The following MRTFB variants were observed in gnomAD, a reference collection of about 807,000 sequenced individuals.
The protein encoded by MRTFB is myocardin-related transcription factor B.
MRTFB carries 29 observed loss-of-function variants against 104.2 expected under a neutral mutation model. That is an observed-to-expected ratio of 0.28 (90% CI 0.21 to 0.38). The LOEUF (loss-of-function observed/expected upper bound fraction) is 0.38, where lower values mean the gene tolerates loss of function less well. MRTFB is among the 10% of genes least tolerant of loss of function. The probability of loss-of-function intolerance (pLI) is 1.00; values close to 1 mark genes in which losing one functional copy is unlikely to be tolerated. For missense variants in MRTFB, 1,270 were observed against 1,341.6 expected, an observed-to-expected ratio of 0.95 and a Z score of 0.83; for synonymous variants, 535 against 519.5, an observed-to-expected ratio of 1.03 and a Z score of -0.41.
chr16:14,248,927 C>T lies in MRTFB; in HGVS notation c.2249C>T (p.Thr750Ile). ...TGTTTTTTTCAATTCACCTCCTAGA[C>T]TTCACCACAAGCAGGAATGCAGACT... ...QLPVGSLKLQTSPQAGMQTQP... is the reference protein window; with the variant it reads ...QLPVGSLKLQISPQAGMQTQP... The change falls in exon 13 of 17, where the codon ACT (threonine) becomes ATT (isoleucine). Residue 750 changes from threonine (T) to isoleucine (I), a missense_variant and splice_region_variant. By Grantham distance (89) the Thr-to-Ile change is moderately conservative (BLOSUM62 -1). Coordinates refer to ENST00000571589, the MANE Select transcript of MRTFB (RefSeq NM_001308142.2). 6.2e-7 allele frequency: 1 copy of T among 1,613,354 alleles called. No individual in the cohort carries two copies. The highest frequency in any genetic ancestry group is 8.5e-7 in the Non-Finnish European group (1 of 1,179,824).
intron 3 of MRTFB, chr16:14,186,705 A>T: frequency 7.2e-7 from 1 of 1,384,128 alleles, no homozygotes; most frequent in African/African-American, 1.5e-5. Flanking sequence ...AAGGGCTTCC[A>T]GCGGCATGAG....
chr16:14,139,675 C>G (rs984046282), intron 2 of MRTFB, among the ~76,000 whole-genome samples: 4 of 152,140 alleles, frequency 2.6e-5, no homozygotes, highest in Non-Finnish European at 4.4e-5. Context: ...ATATAGATAC[C>G]TGTACGGGAG....
chr16:14,184,165 G>A (rs149641177), intron 3 of MRTFB, among the ~76,000 whole-genome samples: 9 of 150,068 alleles, frequency 6.0e-5, no homozygotes, highest in East Asian at 1.9e-4. Flanking sequence ...GCCAAGCTGC[G>A]TGCTTTGGAA....
chr16:14,099,486 C>T (rs771474847), intron 2 of MRTFB, among the ~76,000 whole-genome samples: 4 of 150,614 alleles, frequency 2.7e-5, no homozygotes, highest in Non-Finnish European at 5.9e-5. Context: ...AGTGGTCCTC[C>T]TAAGAAGCTG....
At chr16:14,078,667 C>G (rs539323708) in intron 1 of MRTFB, among the ~76,000 whole-genome samples, 1 of 151,546 alleles carries the variant, frequency 6.6e-6, no homozygotes, top group South Asian at 2.1e-4. Context: ...AGGGCTCAAG[C>G]GATTTGCCCA....
intron 2 of MRTFB, among the ~76,000 whole-genome samples, chr16:14,131,137 T>G (rs1489879752): frequency 6.6e-6 from 1 of 152,210 alleles, no homozygotes; most frequent in African/African-American, 2.4e-5. Context: ...TTAGTGATAG[T>G]GCTGGATTTT....
intron 2 of MRTFB, among the ~76,000 whole-genome samples, chr16:14,097,486 A>G (rs1043381749): frequency 6.6e-6 from 1 of 152,250 alleles, no homozygotes; most frequent in African/African-American, 2.4e-5. Flanking sequence ...TTGGTTTGCA[A>G]TAGTGAAAGA....
intron 3 of MRTFB, among the ~76,000 whole-genome samples, chr16:14,198,099 A>G (rs927171562): frequency 6.6e-6 from 1 of 152,208 alleles, no homozygotes; most frequent in African/African-American, 2.4e-5. Context: ...GTGAGCTTTT[A>G]TATCTGACTT....
At chr16:14,164,431 G>A (rs143486757) in intron 3 of MRTFB, among the ~76,000 whole-genome samples, 1 of 152,032 alleles carries the variant, frequency 6.6e-6, no homozygotes, top group East Asian at 1.9e-4. Context: ...ATAGTATTCT[G>A]TTGTGTGTTT....
the MRTFB span, among the ~76,000 whole-genome samples, chr16:14,044,655 G>C: frequency 6.6e-6 from 1 of 152,282 alleles, no homozygotes; most frequent in Non-Finnish European, 1.5e-5. Context: ...TTCCTCCCAA[G>C]TTTTGCCCAT....
intron 15 of MRTFB, 76 bp from the exon 16 acceptor site, chr16:14,258,024 TC>T: frequency 8.2e-7 from 1 of 1,217,344 alleles, no homozygotes; most frequent in Non-Finnish European, 1.2e-6. Flanking sequence ...ATCTAGAAAG[TC>T]CCTTAGGACT....
chr16:14,094,193 A>C (rs150619502), intron 2 of MRTFB, among the ~76,000 whole-genome samples: 4 of 152,128 alleles, frequency 2.6e-5, no homozygotes, highest in African/African-American at 9.7e-5. Flanking sequence ...AGATGACAAG[A>C]TTGCTTTCAG....
intron 3 of MRTFB, among the ~76,000 whole-genome samples, chr16:14,171,068 T>C (rs1047476857): frequency 1.3e-5 from 2 of 152,226 alleles, no homozygotes; most frequent in African/African-American, 4.8e-5. Context: ...CTAGCTTCTA[T>C]GTCCTTTTGA....
chr16:14,133,950 T>C lies in MRTFB; in HGVS notation c.-63-6594T>C, dbSNP rs556310093. On this transcript the variant is annotated intron_variant, in intron 2 of 16. Transcript: ENST00000571589. ...AGAACAAATAACATTTTCTAATTCC[T>C]TGTCTTTTTATGTAGTAATTTAAAA... Among the ~76,000 whole-genome samples the C allele has an allele frequency of 6.6e-4, 101 of 152,334 alleles. 1 individual carries two copies. The highest frequency in any genetic ancestry group is 5.0e-4 in the African/African-American group (21 of 41,588).
chr16:14,171,706 G>A (rs1381368913), intron 3 of MRTFB, among the ~76,000 whole-genome samples: 2 of 152,068 alleles, frequency 1.3e-5, no homozygotes, highest in Non-Finnish European at 2.9e-5. Context: ...TATTTTATGT[G>A]TTTAATTCTA....
chr16:13,999,104 C>G, the MRTFB span, among the ~76,000 whole-genome samples: 1 of 150,254 alleles, frequency 6.7e-6, no homozygotes, highest in Non-Finnish European at 1.5e-5. Context: ...GCACGAGAAT[C>G]ACTTGAACAC....
At chr16:14,218,630 G>A (rs2041538415) in intron 7 of MRTFB, among the ~76,000 whole-genome samples, 190 bp from the exon 8 acceptor site, 2 of 152,082 alleles carry the variant, frequency 1.3e-5, no homozygotes, top group Admixed American at 6.5e-5. Context: ...ATGCAGGTTA[G>A]ATTTTTCTTT....
intron 8 of MRTFB, among the ~76,000 whole-genome samples, chr16:14,229,119 G>A (rs1406483567): frequency 1.3e-5 from 2 of 152,036 alleles, no homozygotes; most frequent in South Asian, 2.1e-4. Flanking sequence ...GCAGGGATAC[G>A]TGCAGATCCT....
intron 3 of MRTFB, chr16:14,149,394 ACAAGTGTTACAGTTGGTCAGC>A (rs1264628231): frequency 6.6e-6 from 1 of 152,232 alleles, no homozygotes; most frequent in Non-Finnish European, 1.5e-5. Context: ...TTAAAAACTG[ACAAGTGTTACAGTTGGTCAGC>A]ACTCTGCAGA....
Sources: allele counts gnomAD v4.1 joint callset (sites outside exome capture counted in the v4.1 genomes callset), GRCh38; gene constraint gnomAD v4.1.1; transcripts MANE v1.5; gene names NCBI Gene and HGNC (gene_info 2026-07-23, HGNC 2026-07-21).